The following GABRB2 variants were observed in gnomAD, a reference collection of about 807,000 sequenced individuals.
GABRB2 encodes gamma-aminobutyric acid type A receptor subunit beta2.
GABRB2 carries 16 observed loss-of-function variants against 54.7 expected under a neutral mutation model. The ratio of observed to expected loss-of-function variants is 0.29; its 90% CI spans 0.20 to 0.44. GABRB2 has a LOEUF of 0.44. Ranked by LOEUF, GABRB2 falls within the 20% of genes least tolerant of loss-of-function variation. The probability of loss-of-function intolerance (pLI) is 1.00; values close to 1 mark genes in which losing one functional copy is unlikely to be tolerated. For synonymous variants in GABRB2, 244 were observed against 233.8 expected, an observed-to-expected ratio of 1.04 and a Z score of -0.40; for missense variants, 355 against 644.0, an observed-to-expected ratio of 0.55 and a Z score of 4.86.
At chr5:161,294,501 T>A in intron 9 of GABRB2, 73 bp from the exon 10 acceptor site, 2 of 1,287,330 alleles carry the variant, frequency 1.6e-6, no homozygotes, top group Non-Finnish European at 2.2e-6. Context: ...CAAGGCACTA[T>A]GATCGGCACT....
intron 5 of GABRB2, among the ~76,000 whole-genome samples, chr5:161,357,936 A>T: frequency 6.8e-6 from 1 of 147,124 alleles, no homozygotes; most frequent in South Asian, 2.2e-4. Context: ...TTAATACACA[A>T]AGCTTGGCAT....
intron 5 of GABRB2, among the ~76,000 whole-genome samples, chr5:161,343,446 T>TAACA (rs1409484105): frequency 1.3e-5 from 2 of 152,026 alleles, no homozygotes; most frequent in Non-Finnish European, 2.9e-5. Flanking sequence ...AACAATCAAG[T>TAACA]AAAATGTCAG....
chr5:161,509,559 G>A (rs760502254), intron 3 of GABRB2, among the ~76,000 whole-genome samples: 8 of 151,874 alleles, frequency 5.3e-5, no homozygotes, highest in Admixed American at 1.3e-4. Context: ...TATTCATGTC[G>A]ATTTCTGTAC....
At chr5:161,498,958 C>A (rs185739020) in intron 3 of GABRB2, among the ~76,000 whole-genome samples, 211 of 152,298 alleles carry the variant, frequency 1.4e-3, no homozygotes, top group African/African-American at 4.1e-3. Context: ...TGATGCTCTG[C>A]TACCTTTCTA....
At chr5:161,325,517 A>G (rs1297955832) in intron 9 of GABRB2, among the ~76,000 whole-genome samples, 1 of 152,122 alleles carries the variant, frequency 6.6e-6, no homozygotes, top group African/African-American at 2.4e-5. Flanking sequence ...CAAAGCCACA[A>G]AATTAAGGGA....
intron 5 of GABRB2, among the ~76,000 whole-genome samples, chr5:161,388,690 T>C (rs1755722660): frequency 6.6e-6 from 1 of 151,946 alleles, no homozygotes; most frequent in South Asian, 2.1e-4. Flanking sequence ...TCCATAAAAT[T>C]AGATGCTTTA....
intron 4 of GABRB2, among the ~76,000 whole-genome samples, chr5:161,425,821 C>T (rs1756982598): frequency 6.6e-6 from 1 of 152,096 alleles, no homozygotes; most frequent in African/African-American, 2.4e-5. Flanking sequence ...GGGGTACCAT[C>T]TTTCTCCTAG....
chr5:161,380,851 A>T (rs1253636207), intron 5 of GABRB2, among the ~76,000 whole-genome samples: 3 of 122,164 alleles, frequency 2.5e-5, no homozygotes, highest in African/African-American at 5.5e-5. Flanking sequence ...GTTTTTCTCA[A>T]GATTTTACAA....
chr5:161,372,977 T>C (rs1169290178), intron 5 of GABRB2, among the ~76,000 whole-genome samples: 1 of 152,182 alleles, frequency 6.6e-6, no homozygotes, highest in Non-Finnish European at 1.5e-5. Flanking sequence ...AGCACTAACA[T>C]AGGACATTTA....
chr5:161,459,680 A>G lies in GABRB2; in HGVS notation c.402T>C (p.Thr134=), dbSNP rs1758061582. Residue 134 remains threonine, a synonymous_variant, in exon 4 of 10, where the codon ACT becomes ACC. Coordinates refer to ENST00000393959, the MANE Select transcript of GABRB2 (RefSeq NM_001371727.1). ...GCAGGCGAATCATGCGGTTCTTAAC[A>G]GTCACTCCGTGCACAAATGACTTCT... ...NDKKSFVHGV[T]VKNRMIRLHP... The G allele has an allele frequency of 6.2e-7, 1 of 1,614,102 alleles. No homozygotes were observed. Among genetic ancestry groups the G allele is most frequent in the Admixed American group, 1.7e-5 (1 of 60,010 alleles).
At chr5:161,406,519 T>C (rs1404606302) in intron 5 of GABRB2, among the ~76,000 whole-genome samples, 2 of 152,146 alleles carry the variant, frequency 1.3e-5, no homozygotes, top group Admixed American at 6.6e-5. Context: ...CTGGGATTAT[T>C]ATAGTAATAA....
intron 4 of GABRB2, among the ~76,000 whole-genome samples, chr5:161,439,190 G>A (rs550883761): frequency 2.0e-5 from 3 of 152,312 alleles, no homozygotes; most frequent in East Asian, 3.9e-4. Flanking sequence ...ACTCCGATAT[G>A]TCTGGTAGCA....
chr5:161,294,343 T>C lies in GABRB2; in HGVS notation c.1277A>G (p.Asp426Gly), dbSNP rs751246871. ...ATAGGCTAGCATTGTGCTTCTGGGG[T>C]CTCCAAGTCCCATCACAGCCTCAGA... ...ATSEAVMGLG[D>G]PRSTMLAYDA... Residue 426 changes from aspartate to glycine, a missense_variant, in exon 10 of 10, where the codon GAC becomes GGC. By Grantham distance (94) the Asp-to-Gly change is moderately conservative. This residue lies in a region of GABRB2 where 201 missense variants were observed against 228.1 expected (regional missense o/e 0.88). Transcript: ENST00000393959. 2.5e-6 allele frequency: 4 copies of C among 1,614,094 alleles called. No homozygotes were observed. In the South Asian group the frequency reaches 4.4e-5, roughly 18 times the overall value.
chr5:161,303,907 A>G (rs767779332), intron 9 of GABRB2, among the ~76,000 whole-genome samples: 1 of 152,148 alleles, frequency 6.6e-6, no homozygotes, highest in Non-Finnish European at 1.5e-5. Context: ...TCAATCCTCT[A>G]ACTATAAGTT....
intron 9 of GABRB2, among the ~76,000 whole-genome samples, chr5:161,294,720 G>T (rs373984439): frequency 1.3e-5 from 2 of 152,144 alleles, no homozygotes; most frequent in East Asian, 1.9e-4. Flanking sequence ...CTTAGGGCAC[G>T]CAGAGAAATC....
intron 4 of GABRB2, among the ~76,000 whole-genome samples, chr5:161,447,194 C>T (rs1757659224): frequency 6.6e-6 from 1 of 152,096 alleles, no homozygotes; most frequent in African/African-American, 2.4e-5. Flanking sequence ...GAAACTGAAG[C>T]TTAGAAAGAT....
intron 3 of GABRB2, among the ~76,000 whole-genome samples, chr5:161,533,247 T>A (rs1760521638): frequency 6.6e-6 from 1 of 152,190 alleles, no homozygotes; most frequent in African/African-American, 2.4e-5. Context: ...CATGACAAGA[T>A]ATTATAAACC....
intron 4 of GABRB2, among the ~76,000 whole-genome samples, chr5:161,439,954 A>G (rs988618953): frequency 3.9e-5 from 6 of 151,928 alleles, no homozygotes; most frequent in African/African-American, 1.2e-4. Context: ...CTGCACATCT[A>G]GCACATGTAC....
At chr5:161,327,634 T>A (rs1292438427) in intron 8 of GABRB2, among the ~76,000 whole-genome samples, 1 of 152,102 alleles carries the variant, frequency 6.6e-6, no homozygotes, top group Non-Finnish European at 1.5e-5. Context: ...TGCGGTAGCA[T>A]CTGCTGAATC....
Sources: allele counts gnomAD v4.1 joint callset (sites outside exome capture counted in the v4.1 genomes callset), GRCh38; gene constraint gnomAD v4.1.1; regional missense constraint gnomAD v4.1.1; transcripts MANE v1.5; gene names NCBI Gene and HGNC (gene_info 2026-07-23, HGNC 2026-07-21).